The following COL21A1 variants were observed in gnomAD, a reference collection of about 807,000 sequenced individuals.
The protein encoded by COL21A1 is collagen alpha-1(XXI) chain.
COL21A1 carries 149 observed loss-of-function variants against 137.9 expected under a neutral mutation model. The observed-to-expected ratio is 1.08, with a 90% CI of 0.95 to 1.24. COL21A1 has a LOEUF of 1.24. Among genes scored for constraint, COL21A1 ranks in the 50% most tolerant of loss-of-function variants. The pLI is 0.00. For synonymous variants in COL21A1, 456 were observed against 391.5 expected (o/e 1.16, Z -1.95); for missense variants, 1,167 against 1,158.4 (o/e 1.01, Z -0.11).
intron 16 of COL21A1, among the ~76,000 whole-genome samples, chr6:56,120,770 G>C (rs887975106): frequency 5.3e-5 from 8 of 150,026 alleles, no homozygotes; most frequent in Non-Finnish European, 8.8e-5. Flanking sequence ...CTCCAGCCTG[G>C]GCAACAAGAG....
chr6:56,060,529 G>T, intron 27 of COL21A1: 1 of 478,128 alleles, frequency 2.1e-6, no homozygotes, highest in Non-Finnish European at 3.6e-6. Context: ...TCAAATAATG[G>T]CAAAATAATA....
At chr6:56,079,675 T>A (rs533597839) in intron 17 of COL21A1, among the ~76,000 whole-genome samples, 2 of 151,596 alleles carry the variant, frequency 1.3e-5, no homozygotes, top group East Asian at 3.9e-4. Flanking sequence ...TTTCAATATA[T>A]CTGCTATTAA....
intron 1 of COL21A1, among the ~76,000 whole-genome samples, chr6:56,216,117 T>C (rs1315733977): frequency 6.6e-6 from 1 of 152,092 alleles, no homozygotes; most frequent in Non-Finnish European, 1.5e-5. Context: ...CTAATCCACC[T>C]ACACTTTCTC....
At chr6:56,143,985 T>G (rs1392070360) in intron 10 of COL21A1, among the ~76,000 whole-genome samples, 4 of 152,212 alleles carry the variant, frequency 2.6e-5, no homozygotes, top group Admixed American at 1.3e-4. Flanking sequence ...ATGTTTCCTG[T>G]TCTCAGGATT....
At chr6:56,091,017 T>G (rs77711350) in intron 17 of COL21A1, among the ~76,000 whole-genome samples, 2,522 of 152,236 alleles carry the variant, frequency 0.017, 48 homozygotes, top group Non-Finnish European at 0.023. Flanking sequence ...ACTAGTGGGT[T>G]TTTCTCCTCT....
Position 56,074,235 on chromosome 6 carries a change from A to T in COL21A1, c.1962T>A (p.Ser654=), listed in dbSNP as rs1031680935. ...TTGTTTATTTTATCATATTTACCTTAGATCCCGGTGTTCCAGGCTGGCCTG... is the reference window on the plus strand; with the variant it reads ...TTGTTTATTTTATCATATTTACCTTTGATCCCGGTGTTCCAGGCTGGCCTG... ...GSPGQPGTPG[S]KGSKGEPGIQ... The change falls in exon 20 of 30, where the codon TCT becomes TCA. Residue 654 remains serine, a synonymous_variant. Transcript: ENST00000244728. The T allele has an allele frequency of 1.3e-6, 2 of 1,581,490 alleles. No individual in the cohort carries two copies. Among genetic ancestry groups the T allele is most frequent in the African/African-American group, 2.7e-5 (2 of 73,084 alleles).
intron 16 of COL21A1, among the ~76,000 whole-genome samples, chr6:56,117,899 A>C (rs1772081204): frequency 6.6e-6 from 1 of 152,040 alleles, no homozygotes; most frequent in African/African-American, 2.4e-5. Flanking sequence ...TCATGGAAAC[A>C]CAGCATACCA....
intron 20 of COL21A1, among the ~76,000 whole-genome samples, chr6:56,072,760 C>A (rs1455429947): frequency 6.6e-6 from 1 of 151,150 alleles, no homozygotes; most frequent in African/African-American, 2.4e-5. Context: ...ACTTTCTGTC[C>A]CTTTTCAGAA....
chr6:56,105,216 G>A (rs771924526), intron 16 of COL21A1, among the ~76,000 whole-genome samples: 5 of 152,174 alleles, frequency 3.3e-5, no homozygotes, highest in Non-Finnish European at 4.4e-5. Flanking sequence ...ACTAAATCCC[G>A]TCCTCTCTTT....
chr6:56,207,848 G>T lies in COL21A1; in HGVS notation c.-38-25192C>A, dbSNP rs569032762. 2.0e-5 allele frequency among the ~76,000 whole-genome samples: 3 copies of T among 152,194 alleles called. No homozygotes were observed. In the East Asian group the frequency reaches 5.8e-4, roughly 29 times the overall value. ...AACCTTATCCACCACAATCAAATCA[G>T]GTTCATCCCTGAGATGCAAGGCTGA... On this transcript the variant is annotated intron_variant, in intron 1 of 29. Transcript: ENST00000244728.
intron 1 of COL21A1, among the ~76,000 whole-genome samples, chr6:56,307,932 C>A (rs1764510575): frequency 6.6e-6 from 1 of 152,116 alleles, no homozygotes; most frequent in African/African-American, 2.4e-5. Flanking sequence ...TGCAAACAAC[C>A]TAAGGGTCCA....
At chr6:56,269,562 G>A (rs889372031) in intron 1 of COL21A1, among the ~76,000 whole-genome samples, 8 of 150,098 alleles carry the variant, frequency 5.3e-5, no homozygotes, top group African/African-American at 2.0e-4. Context: ...GGCTGAGGCA[G>A]GAGAATGGCG....
At position 56,056,917 on chromosome 6, in the gene COL21A1, T is replaced by C. The variant is rs1312837089; in HGVS notation, c.*740A>G. On this transcript the variant is annotated 3_prime_UTR_variant, in exon 30 of 30. Coordinates refer to ENST00000244728, the MANE Select transcript of COL21A1 (RefSeq NM_030820.4). ...TTCCGATTAATCAACAAGTATAAAA[T>C]AGTCTTTTAGTACTTCCAAACTTAC... The C allele has an allele frequency of 6.6e-6, 1 of 152,176 alleles. No homozygotes were observed. The highest frequency in any genetic ancestry group is 2.4e-5 in the African/African-American group (1 of 41,446). 9.4% of individuals were successfully genotyped at this position (152,176 alleles called of 1,614,324 possible).
chr6:56,306,885 G>A (rs949829689), intron 1 of COL21A1, among the ~76,000 whole-genome samples: 2 of 152,102 alleles, frequency 1.3e-5, no homozygotes, highest in African/African-American at 4.8e-5. Context: ...TGATGGTGAC[G>A]TACAGATGGG....
chr6:56,072,916 A>G (rs560768825), intron 20 of COL21A1, among the ~76,000 whole-genome samples: 3 of 151,518 alleles, frequency 2.0e-5, no homozygotes, highest in African/African-American at 2.4e-5. Context: ...CAGAAAACCA[A>G]CTTTAGAGTA....
At chr6:56,122,399 G>A (rs768475814) in intron 16 of COL21A1, among the ~76,000 whole-genome samples, 12 of 151,028 alleles carry the variant, frequency 7.9e-5, no homozygotes, top group Admixed American at 1.3e-4. Context: ...TGCAAGCTCC[G>A]CCTCCTGGGA....
intron 16 of COL21A1, among the ~76,000 whole-genome samples, chr6:56,111,040 A>C (rs961077215): frequency 2.6e-5 from 4 of 152,076 alleles, no homozygotes; most frequent in Non-Finnish European, 5.9e-5. Flanking sequence ...AAAGCTTGTA[A>C]ATACTATAAA....
In COL21A1 at chr6:56,077,288, A is replaced by C. The variant is rs1767324948; in HGVS notation, c.1857+241T>G. 2.0e-5 allele frequency among the ~76,000 whole-genome samples: 3 copies of C among 151,448 alleles called. No individual in the cohort carries two copies. In the Admixed American group the frequency reaches 2.0e-4, roughly 10 times the overall value. ...TATGCCATAATTATGTTAGAGAACA[A>C]AGTTGAAAAGTAACAAAGTAAAGGA... On this transcript the variant is annotated intron_variant, in intron 18 of 29. Coordinates refer to ENST00000244728, the MANE Select transcript of COL21A1 (RefSeq NM_030820.4).
At chr6:56,122,918 TAGAG>T (rs2152209346) in intron 16 of COL21A1, among the ~76,000 whole-genome samples, 1 of 152,306 alleles carries the variant, frequency 6.6e-6, no homozygotes, top group African/African-American at 2.4e-5. Context: ...TACAGCTAGT[TAGAG>T]AAAGTCATTG....
Sources: gnomAD v4.1 joint callset for allele counts (sites outside exome capture counted in the v4.1 genomes callset) on GRCh38, gnomAD v4.1.1 for gene constraint, MANE v1.5 for transcripts, NCBI Gene and HGNC (gene_info 2026-07-23, HGNC 2026-07-21) for gene names.